ERI3: variants seen among roughly 807,000 people sequenced by gnomAD.
ERI3 encodes ERI1 exoribonuclease 3.
ERI3 carries 18 observed loss-of-function variants against 44.4 expected under a neutral mutation model. That is an observed-to-expected ratio of 0.41 (90% CI 0.28 to 0.60). The LOEUF is 0.60. ERI3 is among the 20% of genes least tolerant of loss of function. The probability of loss-of-function intolerance (pLI) is 0.36; values close to 1 mark genes in which losing one functional copy is unlikely to be tolerated. For missense variants in ERI3, 294 were observed against 435.5 expected (o/e 0.68, Z 2.89); for synonymous variants, 183 against 164.8 (o/e 1.11, Z -0.84).
intron 7 of ERI3, among the ~76,000 whole-genome samples, chr1:44,255,235 C>CCTCCTTCA (rs1378561334): frequency 2.0e-5 from 3 of 152,150 alleles, no homozygotes; most frequent in Non-Finnish European, 4.4e-5. Context: ...CCACTCCCTT[C>CCTCCTTCA]CTCCTTCACT....
In ERI3 at chr1:44,221,317, A is replaced by AT; in HGVS notation, c.*240dup. 1 of 541,382 alleles carries AT rather than the reference A, an allele frequency of 1.8e-6. No homozygotes were observed. Among genetic ancestry groups the AT allele is most frequent in the East Asian group, 3.2e-5 (1 of 31,582 alleles). 33.5% of individuals were successfully genotyped at this position (541,382 alleles called of 1,614,324 possible). A position where few individuals can be genotyped will look rare whatever the true frequency, so the allele number is the denominator to read the frequency against. On this transcript the variant is annotated 3_prime_UTR_variant, in exon 9 of 9. Transcript: ENST00000372257. The surrounding 1 kb of genome is among the most constrained non-coding windows in gnomAD (Gnocchi z 5.9). ...CCCAGGCCCGCAATGGGAGGGGCTG[A>AT]TACTGGGCTGAGATTGAGGGGTGGG...
Position 44,303,794 on chromosome 1 carries a change from A to C in ERI3, c.758+4516T>G, listed in dbSNP as rs1046983519. On this transcript the variant is annotated intron_variant, in intron 6 of 8. Transcript: ENST00000372257. Reference sequence around the variant, plus strand: ...GCAAGGGCAAACCTTGAAAGGTATTAAGCCGAGGGGTGACATAATCTGCTG... The same window carrying C: ...GCAAGGGCAAACCTTGAAAGGTATTCAGCCGAGGGGTGACATAATCTGCTG... 2.0e-5 allele frequency among the ~76,000 whole-genome samples: 3 copies of C among 152,182 alleles called. No individual in the cohort carries two copies. The South Asian group carries it at 6.2e-4, about 32-fold the overall frequency.
intron 6 of ERI3, among the ~76,000 whole-genome samples, chr1:44,286,779 G>A (rs1481296536): frequency 1.3e-5 from 2 of 152,166 alleles, no homozygotes; most frequent in Non-Finnish European, 2.9e-5. Flanking sequence ...AGAAAACACA[G>A]AGAACAATAC....
At chr1:44,301,805 T>C (rs531773272) in intron 6 of ERI3, among the ~76,000 whole-genome samples, 2 of 152,350 alleles carry the variant, frequency 1.3e-5, no homozygotes, top group South Asian at 2.1e-4. Flanking sequence ...AAGTTTCCGA[T>C]GTACTTCTCA....
intron 6 of ERI3, among the ~76,000 whole-genome samples, chr1:44,298,428 T>C (rs370162858): frequency 3.3e-5 from 5 of 152,244 alleles, no homozygotes; most frequent in African/African-American, 9.6e-5. Flanking sequence ...TCATATTAAA[T>C]TGAAGATTCA....
intron 3 of ERI3, among the ~76,000 whole-genome samples, chr1:44,329,144 G>C (rs1646377862): frequency 6.6e-6 from 1 of 152,124 alleles, no homozygotes. Flanking sequence ...CAAAAAGCAG[G>C]ACTGGGTACC....
At chr1:44,300,159 G>C (rs1557831681) in intron 6 of ERI3, among the ~76,000 whole-genome samples, 2 of 152,160 alleles carry the variant, frequency 1.3e-5, no homozygotes, top group Non-Finnish European at 2.9e-5. Context: ...GAACCACTCA[G>C]TTATCAACTC....
chr1:44,279,132 T>TTC (rs1269949422), intron 7 of ERI3, among the ~76,000 whole-genome samples: 1 of 152,212 alleles, frequency 6.6e-6, no homozygotes, highest in East Asian at 1.9e-4. Context: ...TTTCTCAGTG[T>TTC]TCTATCCTAG....
At chr1:44,223,711 C>T (rs1463293274) in intron 8 of ERI3, among the ~76,000 whole-genome samples, 2 of 152,176 alleles carry the variant, frequency 1.3e-5, no homozygotes, top group Admixed American at 1.3e-4. Flanking sequence ...GCCCCAACCC[C>T]CAGGCCACCA....
rs574493389 is a variant in ERI3 at position 44,243,135 on chromosome 1, G to A, written c.931+4804C>T. On this transcript the variant is annotated intron_variant, in intron 8 of 8. Coordinates refer to ENST00000372257, the MANE Select transcript of ERI3 (RefSeq NM_024066.3). Reference sequence around the variant, plus strand: ...CAGCCCACTGCCCCCCTGGGGCCCAGGCCCCCACCCTGCCACCTGCCAGCC... The same window carrying A: ...CAGCCCACTGCCCCCCTGGGGCCCAAGCCCCCACCCTGCCACCTGCCAGCC... Among the ~76,000 whole-genome samples the A allele has an allele frequency of 5.3e-5, 8 of 152,334 alleles. No individual in the cohort carries two copies. The South Asian group carries it at 1.5e-3, about 28-fold the overall frequency.
intron 7 of ERI3, among the ~76,000 whole-genome samples, chr1:44,281,599 A>ATATATATAT (rs1197627804): frequency 1.4e-4 from 17 of 124,312 alleles, no homozygotes; most frequent in South Asian, 7.8e-4. Flanking sequence ...AAAAAAAAAA[A>ATATATATAT]AAATATATAT....
Position 44,235,359 on chromosome 1 carries a change from A to C in ERI3, c.931+12580T>G, listed in dbSNP as rs1644279827. 6.6e-6 allele frequency among the ~76,000 whole-genome samples: 1 copy of C among 152,054 alleles called. No homozygotes were observed. ...TCACCTCTCAGGACCCAGGCTTGCT[A>C]GTGCTTCCTCTAGGTGCCTTCCCCC... is the stretch of plus-strand genomic sequence containing the variant. On this transcript the variant is annotated intron_variant, in intron 8 of 8. Transcript: ENST00000372257. The surrounding 1 kb of genome is among the most constrained non-coding windows in gnomAD (Gnocchi z 4.6).
intron 8 of ERI3, chr1:44,243,860 A>G (rs1277028423): frequency 3.9e-5 from 6 of 152,146 alleles, no homozygotes; most frequent in African/African-American, 1.4e-4. Flanking sequence ...GCCCAACACC[A>G]AAAGGGTGCT....
At chr1:44,273,479 T>G (rs1018839752) in intron 7 of ERI3, among the ~76,000 whole-genome samples, 1 of 152,232 alleles carries the variant, frequency 6.6e-6, no homozygotes, top group South Asian at 2.1e-4. Flanking sequence ...AGCAGAGGAA[T>G]AGGCATCCAG....
chr1:44,325,161 T>C (rs1646284975), intron 3 of ERI3, among the ~76,000 whole-genome samples: 1 of 142,240 alleles, frequency 7.0e-6, no homozygotes, highest in Non-Finnish European at 1.5e-5. Context: ...CAATGTAACC[T>C]CCGCCTCCCG....
At chr1:44,270,086 C>T (rs1191508641) in intron 7 of ERI3, among the ~76,000 whole-genome samples, 1 of 152,126 alleles carries the variant, frequency 6.6e-6, no homozygotes, top group Non-Finnish European at 1.5e-5. Context: ...CTGTCTTTTC[C>T]TCATCTTTTC....
At chr1:44,338,601 C>T (rs1402816379) in intron 3 of ERI3, among the ~76,000 whole-genome samples, 1 of 152,200 alleles carries the variant, frequency 6.6e-6, no homozygotes, top group African/African-American at 2.4e-5. Flanking sequence ...TTATCTCTTC[C>T]ACTGTATTCT....
chr1:44,353,774 A>G (rs1646942592), intron 1 of ERI3: 2 of 985,436 alleles, frequency 2.0e-6, no homozygotes, highest in Non-Finnish European at 2.4e-6. Flanking sequence ...ATTGTTAATG[A>G]GCTTTTAATT....
At chr1:44,242,715 T>C (rs1002907957) in intron 8 of ERI3, among the ~76,000 whole-genome samples, 2 of 152,118 alleles carry the variant, frequency 1.3e-5, no homozygotes, top group Non-Finnish European at 2.9e-5. Flanking sequence ...TTGCCTATGG[T>C]AGCAGGAATA....
Sources: allele counts gnomAD v4.1 joint callset (sites outside exome capture counted in the v4.1 genomes callset), GRCh38; gene constraint gnomAD v4.1.1; non-coding constraint Gnocchi (gnomAD v3.1); transcripts MANE v1.5; gene names NCBI Gene and HGNC (gene_info 2026-07-23, HGNC 2026-07-21).